Variants in ITPR1 observed in about 807,000 individuals in gnomAD.
ITPR1 encodes inositol 1,4,5-trisphosphate receptor type 1, also known as inositol 1,4,5-trisphosphate-gated calcium channel ITPR1.
In ITPR1, 96 loss-of-function variants were observed where a neutral mutation model predicts 318.4. The observed-to-expected ratio is 0.30, with a 90% CI of 0.26 to 0.36. The LOEUF is 0.36. ITPR1 is among the 10% of genes least tolerant of loss of function. The pLI is 1.00. For missense variants in ITPR1, 2,440 were observed against 3,460.2 expected (o/e 0.71, Z 7.40); for synonymous variants, 1,312 against 1,289.9 (o/e 1.02, Z -0.37).
chr3:4,700,377 C>T (rs1245585080), intron 35 of ITPR1, among the ~76,000 whole-genome samples: 3 of 152,216 alleles, frequency 2.0e-5, no homozygotes, highest in African/African-American at 7.2e-5. Flanking sequence ...TACTCTATCC[C>T]TTGTACCTGG....
chr3:4,844,042 A>C (rs2106556322), intron 61 of ITPR1, among the ~76,000 whole-genome samples: 1 of 152,248 alleles, frequency 6.6e-6, no homozygotes, highest in African/African-American at 2.4e-5. Flanking sequence ...TTTGACATTC[A>C]ACTTTGAGTT....
chr3:4,604,276 T>A (rs2091528335), intron 4 of ITPR1, among the ~76,000 whole-genome samples: 1 of 152,182 alleles, frequency 6.6e-6, no homozygotes, highest in Non-Finnish European at 1.5e-5. Flanking sequence ...AGTAAGATGC[T>A]GGACCTATGC....
rs182813335 is a variant in ITPR1 at position 4,631,826 on chromosome 3, C to T, written c.279+3948C>T. Among the ~76,000 whole-genome samples, 215 of 151,960 alleles carry T rather than the reference C, an allele frequency of 1.4e-3. 4 individuals are homozygous for T. The highest frequency in any genetic ancestry group is 0.013 in the Admixed American group (192 of 15,246). ...GCTAGGTTCAGGTAATTACAGATAC[C>T]CCCAGGCTGGAATGCAGTGATGCCA... On this transcript the variant is annotated intron_variant, in intron 5 of 61. Coordinates refer to ENST00000649015, the MANE Select transcript of ITPR1 (RefSeq NM_001378452.1).
chr3:4,500,851 A>G (rs919543146), intron 2 of ITPR1, among the ~76,000 whole-genome samples: 5 of 151,876 alleles, frequency 3.3e-5, no homozygotes, highest in Non-Finnish European at 7.4e-5. Context: ...GGCCTTGATG[A>G]ACTTTTTATT....
At chr3:4,524,018 A>T (rs2082770654) in intron 4 of ITPR1, among the ~76,000 whole-genome samples, 1 of 152,196 alleles carries the variant, frequency 6.6e-6, no homozygotes, top group Non-Finnish European at 1.5e-5. Flanking sequence ...TTTCTCCCTA[A>T]ATTAAAAATA....
At chr3:4,802,496 A>T (rs1296712033) in intron 54 of ITPR1, among the ~76,000 whole-genome samples, 3 of 152,120 alleles carry the variant, frequency 2.0e-5, no homozygotes, top group South Asian at 2.1e-4. Context: ...GACATAGTGT[A>T]GAAGAAAGAA....
chr3:4,525,132 C>A lies in ITPR1; in HGVS notation c.163+4038C>A, dbSNP rs2082877946. ...TTGTGGGTGGGGACGTGCACATGAACCCCTGGGCTTGGATTTGAGCCCCAG... is the reference window on the plus strand; with the variant it reads ...TTGTGGGTGGGGACGTGCACATGAAACCCTGGGCTTGGATTTGAGCCCCAG... On this transcript the variant is annotated intron_variant, in intron 4 of 61. Transcript: ENST00000649015. Among the ~76,000 whole-genome samples the A allele has an allele frequency of 2.0e-5, 3 of 151,882 alleles. No individual in the cohort carries two copies. In the South Asian group the frequency reaches 6.2e-4, roughly 32 times the overall value.
chr3:4,635,650 G>A lies in ITPR1; in HGVS notation c.280-3734G>A, dbSNP rs73106499. ...ATGAGCCACTGCGCCCAGCCAAAAG[G>A]TGCTAACTCAGTATCTCACAGTGAG... is the stretch of plus-strand genomic sequence containing the variant. On this transcript the variant is annotated intron_variant, in intron 5 of 61. Transcript: ENST00000649015. Among the ~76,000 whole-genome samples the A allele has an allele frequency of 1.0e-2, 1,513 of 151,584 alleles. 28 individuals are homozygous for A. The highest frequency in any genetic ancestry group is 0.035 in the African/African-American group (1,434 of 41,318).
At chr3:4,754,622 T>C (rs2044814846) in intron 44 of ITPR1, among the ~76,000 whole-genome samples, 1 of 152,236 alleles carries the variant, frequency 6.6e-6, no homozygotes, top group South Asian at 2.1e-4. Flanking sequence ...CTTTATGGAC[T>C]GAGATTTTAA....
At chr3:4,684,207 C>A (rs972437398) in intron 28 of ITPR1, 74 bp from the exon 29 acceptor site, 2 of 934,128 alleles carry the variant, frequency 2.1e-6, no homozygotes, top group South Asian at 2.8e-5. Flanking sequence ...TCCTAAAGGT[C>A]GATGCTAACT....
At chr3:4,743,397 A>C (rs2125332532) in intron 44 of ITPR1, among the ~76,000 whole-genome samples, 2 of 152,208 alleles carry the variant, frequency 1.3e-5, no homozygotes, top group Middle Eastern at 6.8e-3. Flanking sequence ...AGTTCCCACA[A>C]CTCTGCCCTG....
At chr3:4,795,011 G>A in intron 52 of ITPR1, 54 bp from the exon 53 acceptor site, 1 of 1,514,930 alleles carries the variant, frequency 6.6e-7, no homozygotes, top group South Asian at 1.3e-5. Context: ...TTGCATTCCT[G>A]GCGTTCCGGC....
intron 4 of ITPR1, among the ~76,000 whole-genome samples, chr3:4,597,701 C>G (rs73104425): frequency 6.6e-6 from 1 of 152,134 alleles, no homozygotes; most frequent in South Asian, 2.1e-4. Flanking sequence ...GTCAGTGACC[C>G]GGTTTGGCTA....
At chr3:4,746,114 C>T (rs898294687) in intron 44 of ITPR1, among the ~76,000 whole-genome samples, 2 of 152,048 alleles carry the variant, frequency 1.3e-5, no homozygotes, top group African/African-American at 2.4e-5. Flanking sequence ...CAGGCTCGAC[C>T]GCCTGCCAGC....
chr3:4,775,701 C>G (rs1020567399), intron 47 of ITPR1, among the ~76,000 whole-genome samples: 1 of 152,172 alleles, frequency 6.6e-6, no homozygotes, highest in East Asian at 1.9e-4. Flanking sequence ...GTTTGAATGT[C>G]CAACTATTTA....
At chr3:4,663,849 T>C (rs1266433072) in intron 16 of ITPR1, among the ~76,000 whole-genome samples, 3 of 151,988 alleles carry the variant, frequency 2.0e-5, no homozygotes, top group African/African-American at 7.3e-5. Flanking sequence ...TGAACGTTCT[T>C]ACTGCATGCA....
In ITPR1 at chr3:4,846,275, T is replaced by A. The variant is rs752424165; in HGVS notation, c.*50T>A. 4 of 1,250,126 alleles carry A rather than the reference T, an allele frequency of 3.2e-6. No individual in the cohort carries two copies. The East Asian group carries it at 1.0e-4, about 32-fold the overall frequency. 77.4% of individuals were successfully genotyped at this position (1,250,126 alleles called of 1,614,324 possible). A position where few individuals can be genotyped will look rare whatever the true frequency, so the allele number is the denominator to read the frequency against. ...TTACCTTTTATAATTATTATTAGTG[T>A]GGGTATGGCTAATGAGTTCTGATTC... On this transcript the variant is annotated 3_prime_UTR_variant, in exon 62 of 62. Transcript: ENST00000649015.
intron 4 of ITPR1, among the ~76,000 whole-genome samples, chr3:4,560,555 C>A (rs747683883): frequency 6.6e-6 from 1 of 152,010 alleles, no homozygotes; most frequent in Non-Finnish European, 1.5e-5. Context: ...GCATAAGAGG[C>A]GACTTTTGTG....
intron 4 of ITPR1, among the ~76,000 whole-genome samples, chr3:4,572,631 A>T (rs2088145737): frequency 6.6e-6 from 1 of 152,228 alleles, no homozygotes; most frequent in Non-Finnish European, 1.5e-5. Flanking sequence ...AACCATTTTT[A>T]AGTGTAAAGT....
Sources: gnomAD v4.1 joint callset for allele counts (sites outside exome capture counted in the v4.1 genomes callset) on GRCh38, gnomAD v4.1.1 for gene constraint, MANE v1.5 for transcripts, NCBI Gene and HGNC (gene_info 2026-07-23, HGNC 2026-07-21) for gene names.